CD226: variants seen among roughly 807,000 people sequenced by gnomAD.
CD226 encodes the protein CD226 molecule, also known as CD226 antigen.
Under a neutral mutation model 34.9 loss-of-function variants are expected in CD226, and 24 were observed. The ratio of observed to expected loss-of-function variants is 0.69; its 90% CI spans 0.50 to 0.97. The LOEUF is 0.97. Among genes scored for constraint, CD226 ranks in the 50% least tolerant of loss-of-function variants. The pLI, the probability that CD226 is intolerant of heterozygous loss-of-function variation, is 0.00. For synonymous variants in CD226, 148 were observed against 147.4 expected, an observed-to-expected ratio of 1.00 and a Z score of -0.03; for missense variants, 397 against 412.7, an observed-to-expected ratio of 0.96 and a Z score of 0.33.
chr18:69,898,237 G>A (rs568908614), intron 2 of CD226, among the ~76,000 whole-genome samples: 4 of 152,310 alleles, frequency 2.6e-5, no homozygotes, highest in Admixed American at 1.3e-4. Flanking sequence ...CGACTTTCAT[G>A]TGAGCCCTTC....
At chr18:69,877,610 C>T (rs1983956437) in intron 3 of CD226, among the ~76,000 whole-genome samples, 1 of 152,140 alleles carries the variant, frequency 6.6e-6, no homozygotes, top group Non-Finnish European at 1.5e-5. Context: ...TAGAGTCTTA[C>T]CTTGGTCAGG....
intron 3 of CD226, among the ~76,000 whole-genome samples, chr18:69,884,146 C>T (rs1465576937): frequency 2.6e-5 from 4 of 152,084 alleles, no homozygotes; most frequent in Non-Finnish European, 4.4e-5. Context: ...GCAGGCAGGC[C>T]GTCCTAAGGA....
intron 2 of CD226, among the ~76,000 whole-genome samples, chr18:69,916,747 G>A (rs2055391143): frequency 6.6e-6 from 1 of 152,140 alleles, no homozygotes; most frequent in East Asian, 1.9e-4. Flanking sequence ...GGGAACAGAC[G>A]AGATTCTTAT....
intron 2 of CD226, among the ~76,000 whole-genome samples, chr18:69,901,128 A>T (rs2055177239): frequency 6.6e-6 from 1 of 152,136 alleles, no homozygotes; most frequent in Non-Finnish European, 1.5e-5. Context: ...AAAGCAGCCC[A>T]CGGGAATATG....
At chr18:69,952,131 G>A (rs1459305335), upstream of CD226, among the ~76,000 whole-genome samples, 1 of 152,114 alleles carries the variant, frequency 6.6e-6, no homozygotes, top group African/African-American at 2.4e-5. Flanking sequence ...CAGCAACATA[G>A]ATAGACCGGG....
chr18:69,896,393 G>A (rs1001980273), intron 2 of CD226, among the ~76,000 whole-genome samples: 4 of 152,146 alleles, frequency 2.6e-5, no homozygotes, highest in South Asian at 2.1e-4. Flanking sequence ...GTGTTAGCCA[G>A]GATGGTCTCA....
chr18:69,889,378 ATCTG>A (rs1323464018), intron 3 of CD226, among the ~76,000 whole-genome samples: 1 of 152,172 alleles, frequency 6.6e-6, no homozygotes, highest in African/African-American at 2.4e-5. Flanking sequence ...AAAGGGACAT[ATCTG>A]TCAGCCCAGT....
intron 3 of CD226, among the ~76,000 whole-genome samples, chr18:69,876,514 A>G (rs934157998): frequency 2.0e-5 from 3 of 152,198 alleles, no homozygotes; most frequent in African/African-American, 7.2e-5. Context: ...TTTAAACACA[A>G]AGTATTTCAA....
intron 4 of CD226, among the ~76,000 whole-genome samples, chr18:69,870,257 A>G (rs1035274551): frequency 6.7e-6 from 1 of 149,216 alleles, no homozygotes; most frequent in Admixed American, 6.7e-5. Flanking sequence ...TCTATAGAAC[A>G]CAGTTTGGCT....
At chr18:69,921,903 G>T (rs922816893) in intron 2 of CD226, among the ~76,000 whole-genome samples, 5 of 151,554 alleles carry the variant, frequency 3.3e-5, no homozygotes, top group Non-Finnish European at 5.9e-5. Context: ...TTGTTTCTTT[G>T]TTTCTTTTGG....
rs551564331 is a variant in CD226 at position 69,873,551 on chromosome 18, C to T, written c.728-305G>A. On this transcript the variant is annotated intron_variant, in intron 3 of 5. Transcript: ENST00000582621. Reference sequence around the variant, plus strand: ...ATTCAAATAAGCTGCCAATCATATACACAAAACCTTTTGTAGAAAAAAAAA... The same window carrying T: ...ATTCAAATAAGCTGCCAATCATATATACAAAACCTTTTGTAGAAAAAAAAA... 5.3e-5 allele frequency among the ~76,000 whole-genome samples: 8 copies of T among 151,268 alleles called. No homozygotes were observed. The South Asian group carries it at 1.5e-3, about 28-fold the overall frequency.
At chr18:69,902,969 G>T (rs972981423) in intron 2 of CD226, among the ~76,000 whole-genome samples, 3 of 152,074 alleles carry the variant, frequency 2.0e-5, no homozygotes, top group Admixed American at 1.3e-4. Context: ...ATGAAATGTT[G>T]ACTGCATGAT....
chr18:69,905,582 G>A (rs2055242869), intron 2 of CD226, among the ~76,000 whole-genome samples: 1 of 152,182 alleles, frequency 6.6e-6, no homozygotes, highest in African/African-American at 2.4e-5. Flanking sequence ...CATGCAGAAA[G>A]ATGGACTGCA....
intron 1 of CD226, 46 bp from the exon 2 acceptor site, chr18:69,947,115 A>G: frequency 6.9e-7 from 1 of 1,454,902 alleles, no homozygotes; most frequent in South Asian, 1.2e-5. Flanking sequence ...GATGATGGAA[A>G]CACCAAATCA....
intron 3 of CD226, among the ~76,000 whole-genome samples, chr18:69,877,191 G>A (rs75327898): frequency 6.6e-6 from 1 of 152,104 alleles, no homozygotes; most frequent in Admixed American, 6.5e-5. Flanking sequence ...CGGACCAATG[G>A]GCCTCAAGCT....
At chr18:69,892,955 A>G (rs1440943941) in intron 3 of CD226, among the ~76,000 whole-genome samples, 1 of 152,228 alleles carries the variant, frequency 6.6e-6, no homozygotes, top group Non-Finnish European at 1.5e-5. Flanking sequence ...CCCACATCTT[A>G]TATCTGTCTC....
chr18:69,941,035 G>A (rs754155985), intron 2 of CD226, among the ~76,000 whole-genome samples: 7 of 152,238 alleles, frequency 4.6e-5, no homozygotes, highest in Non-Finnish European at 7.3e-5. Flanking sequence ...TTGCTTCAGA[G>A]GGTGCAAGCC....
At chr18:69,921,421 A>G (rs1245879441) in intron 2 of CD226, among the ~76,000 whole-genome samples, 1 of 151,952 alleles carries the variant, frequency 6.6e-6, no homozygotes, top group African/African-American at 2.4e-5. Context: ...TCCTATCTGC[A>G]CTCTGGCCAT....
chr18:69,943,932 T>C (rs1024065823), intron 2 of CD226, among the ~76,000 whole-genome samples: 3 of 151,870 alleles, frequency 2.0e-5, no homozygotes, highest in Non-Finnish European at 4.4e-5. Flanking sequence ...TCTGAAGTTC[T>C]TACAATCCAT....
Sources: gnomAD v4.1 joint callset for allele counts (sites outside exome capture counted in the v4.1 genomes callset) on GRCh38, gnomAD v4.1.1 for gene constraint, MANE v1.5 for transcripts, NCBI Gene and HGNC (gene_info 2026-07-23, HGNC 2026-07-21) for gene names.